Variants in RALGPS2 observed in about 807,000 individuals in gnomAD.
The protein encoded by RALGPS2 is Ral GEF with PH domain and SH3 binding motif 2, also known as ras-specific guanine nucleotide-releasing factor RalGPS2.
RALGPS2 carries 43 observed loss-of-function variants against 86.8 expected under a neutral mutation model. That is an observed-to-expected ratio of 0.50 (90% CI 0.39 to 0.64). The LOEUF is 0.64. Among genes scored for constraint, RALGPS2 ranks in the 30% least tolerant of loss-of-function variants. RALGPS2 has a pLI of 0.00. For synonymous variants in RALGPS2, 243 were observed against 231.3 expected (o/e 1.05, Z -0.46); for missense variants, 536 against 694.6 (o/e 0.77, Z 2.57).
At chr1:178,823,715 A>C (rs913884459) in intron 7 of RALGPS2, among the ~76,000 whole-genome samples, 1 of 152,228 alleles carries the variant, frequency 6.6e-6, no homozygotes. Flanking sequence ...GGCATGAATC[A>C]GATAATGGAG....
At chr1:178,755,295 T>C (rs1272345619) in intron 1 of RALGPS2, among the ~76,000 whole-genome samples, 1 of 152,176 alleles carries the variant, frequency 6.6e-6, no homozygotes, top group East Asian at 1.9e-4. Context: ...ACCTTGGTAG[T>C]GAGCATGTTA....
At chr1:178,755,790 A>G (rs753068549) in intron 1 of RALGPS2, among the ~76,000 whole-genome samples, 15 of 152,156 alleles carry the variant, frequency 9.9e-5, no homozygotes, top group African/African-American at 2.2e-4. Flanking sequence ...TGGCTGTACT[A>G]TTTACATCCC....
At chr1:178,890,613 T>G (rs551073853) in intron 14 of RALGPS2, among the ~76,000 whole-genome samples, 4 of 151,928 alleles carry the variant, frequency 2.6e-5, no homozygotes, top group Non-Finnish European at 4.4e-5. Context: ...TTATTTGAAA[T>G]CATAAATTTC....
chr1:178,835,974 A>C (rs1038325411), intron 8 of RALGPS2, among the ~76,000 whole-genome samples: 1 of 152,212 alleles, frequency 6.6e-6, no homozygotes, highest in Non-Finnish European at 1.5e-5. Context: ...TCAAAATGAG[A>C]AAATAAGATA....
At chr1:178,791,572 T>C (rs564589424) in intron 4 of RALGPS2, among the ~76,000 whole-genome samples, 1 of 152,350 alleles carries the variant, frequency 6.6e-6, no homozygotes, top group Non-Finnish European at 1.5e-5. Context: ...GTGATTTTAG[T>C]TGCAGATTGG....
At chr1:178,785,453 G>C (rs917579129) in intron 3 of RALGPS2, 104 bp from the exon 4 acceptor site, 32 of 1,219,334 alleles carry the variant, frequency 2.6e-5, no homozygotes, top group Non-Finnish European at 3.2e-5. Flanking sequence ...TTATAAAATT[G>C]AGTATTTGGT....
chr1:178,851,894 G>A (rs138118829), intron 8 of RALGPS2, among the ~76,000 whole-genome samples: 342 of 152,220 alleles, frequency 2.2e-3, no homozygotes, highest in Middle Eastern at 6.8e-3. Context: ...TTGGGTGGAG[G>A]GGAGGAGGGG....
At chr1:178,807,995 G>GA (rs779899547) in intron 4 of RALGPS2, 50 bp from the exon 5 acceptor site, 144 of 1,208,804 alleles carry the variant, frequency 1.2e-4, no homozygotes, top group Non-Finnish European at 1.7e-4. Context: ...TAATCTGGCA[G>GA]AAAAAAACTA....
In RALGPS2 at chr1:178,732,916, C is replaced by T. The variant is rs190300116; in HGVS notation, c.-84+7497C>T. ...GCTGTGGTGCATTTTTTCACCCACA[C>T]GGCTGAATTTGACTTGCTGGTGTCT... On this transcript the variant is annotated intron_variant, in intron 1 of 19. Transcript: ENST00000367635. Among the ~76,000 whole-genome samples the T allele has an allele frequency of 1.2e-3, 176 of 152,154 alleles. No individual in the cohort carries two copies. The Middle Eastern group carries it at 0.014, about 12-fold the overall frequency.
intron 4 of RALGPS2, among the ~76,000 whole-genome samples, chr1:178,792,439 T>G (rs1486106215): frequency 1.3e-5 from 2 of 152,228 alleles, no homozygotes; most frequent in Non-Finnish European, 2.9e-5. Context: ...TCTTTTCTCC[T>G]GTCAACTCTG....
chr1:178,848,163 T>C (rs775767359), intron 8 of RALGPS2, among the ~76,000 whole-genome samples: 1 of 151,900 alleles, frequency 6.6e-6, no homozygotes, highest in African/African-American at 2.4e-5. Flanking sequence ...ATACGAAAAT[T>C]AGCTGGGCAT....
chr1:178,793,401 CTTT>C (rs76555147), intron 4 of RALGPS2, among the ~76,000 whole-genome samples: 3 of 110,012 alleles, frequency 2.7e-5, no homozygotes, highest in Non-Finnish European at 2.0e-5. Flanking sequence ...CCACAGGGGT[CTTT>C]TTTTTTTTTT....
At chr1:178,850,497 AT>A (rs1029485201) in intron 8 of RALGPS2, 2 of 150,984 alleles carry the variant, frequency 1.3e-5, no homozygotes, top group Non-Finnish European at 3.0e-5. Flanking sequence ...TGCATGCATT[AT>A]TTTTGGGTTT....
chr1:178,746,661 G>T (rs1162893987), intron 1 of RALGPS2: 4 of 769,640 alleles, frequency 5.2e-6, no homozygotes, highest in Non-Finnish European at 9.7e-6. Context: ...TATAGCTGCA[G>T]AATATTCTCA....
intron 6 of RALGPS2, among the ~76,000 whole-genome samples, chr1:178,812,490 A>G (rs1655030851): frequency 1.3e-5 from 2 of 152,190 alleles, no homozygotes; most frequent in African/African-American, 4.8e-5. Context: ...TCATTTCACC[A>G]TTGTAGATTT....
chr1:178,817,685 A>G (rs925629662), intron 6 of RALGPS2, among the ~76,000 whole-genome samples: 3 of 152,138 alleles, frequency 2.0e-5, no homozygotes, highest in African/African-American at 7.2e-5. Flanking sequence ...TTGAGGTTTT[A>G]TTGAATTTAT....
chr1:178,836,216 T>C (rs537639023), intron 8 of RALGPS2, among the ~76,000 whole-genome samples: 2 of 152,368 alleles, frequency 1.3e-5, no homozygotes, highest in East Asian at 3.9e-4. Flanking sequence ...GTGGAGAATA[T>C]ACCTCTTCTG....
At chr1:178,770,498 T>C (rs1462920094) in intron 1 of RALGPS2, among the ~76,000 whole-genome samples, 1 of 151,142 alleles carries the variant, frequency 6.6e-6, no homozygotes, top group Non-Finnish European at 1.5e-5. Context: ...TTAGTTTGCA[T>C]ACTTCATACT....
intron 1 of RALGPS2, chr1:178,747,376 A>G (rs1651395710): frequency 2.1e-5 from 32 of 1,529,358 alleles, no homozygotes; most frequent in Non-Finnish European, 2.8e-5. Context: ...ATTGTGGTAG[A>G]TGTACTGTAT....
Sources: gnomAD v4.1 joint callset for allele counts (sites outside exome capture counted in the v4.1 genomes callset) on GRCh38, gnomAD v4.1.1 for gene constraint, MANE v1.5 for transcripts, NCBI Gene and HGNC (gene_info 2026-07-23, HGNC 2026-07-21) for gene names.